Variants in VRK1 observed in about 807,000 individuals in gnomAD.
VRK1 encodes serine/threonine-protein kinase VRK1.
In VRK1, 33 loss-of-function variants were observed where a neutral mutation model predicts 57.1. The ratio of observed to expected loss-of-function variants is 0.58; its 90% CI spans 0.44 to 0.77. The LOEUF (loss-of-function observed/expected upper bound fraction) is 0.77. Among genes scored for constraint, VRK1 ranks in the 30% least tolerant of loss-of-function variants. The pLI, the probability that VRK1 is intolerant of heterozygous loss-of-function variation, is 0.00. For synonymous variants in VRK1, 137 were observed against 147.8 expected (o/e 0.93, Z 0.53); for missense variants, 413 against 477.3 (o/e 0.87, Z 1.25).
intron 1 of VRK1, among the ~76,000 whole-genome samples, chr14:96,822,380 G>A (rs1003631037): frequency 6.6e-6 from 1 of 151,492 alleles, no homozygotes; most frequent in East Asian, 1.9e-4. Flanking sequence ...GCATGGTAAA[G>A]TTTTTGTATT....
At chr14:96,861,613 C>T (rs1240595319) in intron 11 of VRK1, among the ~76,000 whole-genome samples, 1 of 152,062 alleles carries the variant, frequency 6.6e-6, no homozygotes, top group Non-Finnish European at 1.5e-5. Flanking sequence ...AAATCAGACG[C>T]AGCACATTGA....
At chr14:96,799,153 GT>G (rs776463100) in intron 1 of VRK1, among the ~76,000 whole-genome samples, 3 of 152,218 alleles carry the variant, frequency 2.0e-5, no homozygotes, top group Non-Finnish European at 4.4e-5. Context: ...GGAGTAATGT[GT>G]TAAGCATAGA....
At chr14:96,861,831 T>A (rs1888401352) in intron 11 of VRK1, among the ~76,000 whole-genome samples, 1 of 133,510 alleles carries the variant, frequency 7.5e-6, no homozygotes. Context: ...CTGAAAACTG[T>A]ATCTGTTTGA....
chr14:96,797,978 C>G (rs1165716284), intron 1 of VRK1, among the ~76,000 whole-genome samples: 4 of 152,142 alleles, frequency 2.6e-5, no homozygotes, highest in African/African-American at 9.7e-5. Context: ...GTTAGGTGAT[C>G]CGGGAGGGCA....
intron 1 of VRK1, among the ~76,000 whole-genome samples, chr14:96,808,014 C>CCTCTCTCCCTCTCT (rs1566683580): frequency 4.1e-5 from 3 of 73,954 alleles, no homozygotes; most frequent in African/African-American, 1.8e-4. Context: ...TCTCTCTCTC[C>CCTCTCTCCCTCTCT]CTCTGTGTGT....
At chr14:96,800,330 C>CA (rs1885609585) in intron 1 of VRK1, among the ~76,000 whole-genome samples, 1 of 152,128 alleles carries the variant, frequency 6.6e-6, no homozygotes, top group African/African-American at 2.4e-5. Context: ...TACTCCTGCT[C>CA]CATCTCTCCC....
chr14:96,856,556 G>C lies in VRK1; in HGVS notation c.859G>C (p.Asp287His). Residue 287 changes from aspartate (D) to histidine (H), a missense_variant, in exon 10 of 13, where the codon GAC (aspartate) becomes CAC (histidine). Coordinates refer to ENST00000216639, the MANE Select transcript of VRK1 (RefSeq NM_003384.3). ...CAGAGAAAATATTGCAAGTTTGATG[G>C]ACAAATGTTTTCCTGAGAAAAACAA... ...RYRENIASLM[D>H]KCFPEKNKPG... 1 of 1,613,738 alleles carries C rather than the reference G, an allele frequency of 6.2e-7. No individual in the cohort carries two copies. Among genetic ancestry groups the C allele is most frequent in the Non-Finnish European group, 8.5e-7 (1 of 1,179,752 alleles).
chr14:96,814,144 C>T (rs981612363), intron 1 of VRK1, among the ~76,000 whole-genome samples: 7 of 152,004 alleles, frequency 4.6e-5, no homozygotes, highest in Non-Finnish European at 1.0e-4. Context: ...ATTAATTGAG[C>T]AAAAATAAGT....
intron 3 of VRK1, among the ~76,000 whole-genome samples, chr14:96,842,728 G>T (rs1566702147): frequency 1.3e-5 from 2 of 152,222 alleles, no homozygotes; most frequent in East Asian, 3.9e-4. Flanking sequence ...CTGGGTGTAG[G>T]GCCTGGTTAT....
chr14:96,802,682 GAC>G (rs1236124055), intron 1 of VRK1, among the ~76,000 whole-genome samples: 3 of 152,228 alleles, frequency 2.0e-5, no homozygotes, highest in Admixed American at 1.3e-4. Context: ...CCTAGAATTA[GAC>G]ACACAAAAGA....
intron 10 of VRK1, 22 bp downstream of exon 10, chr14:96,856,608 G>T (rs1329604907): frequency 1.2e-6 from 2 of 1,602,886 alleles, no homozygotes; most frequent in Non-Finnish European, 1.7e-6. Context: ...CTTCTTCAGT[G>T]TTAATAGGGA....
At chr14:96,861,556 G>A (rs1025299300) in intron 11 of VRK1, among the ~76,000 whole-genome samples, 3 of 151,832 alleles carry the variant, frequency 2.0e-5, no homozygotes, top group Admixed American at 6.6e-5. Flanking sequence ...TGGAAATCTC[G>A]TATTCCAAAC....
chr14:96,865,588 A>T (rs1225043795), intron 11 of VRK1, among the ~76,000 whole-genome samples: 3 of 152,152 alleles, frequency 2.0e-5, no homozygotes, highest in African/African-American at 7.2e-5. Context: ...AGTTGACTTT[A>T]CTCTATAGAG....
intron 2 of VRK1, among the ~76,000 whole-genome samples, chr14:96,836,519 T>A (rs1319035885): frequency 3.5e-5 from 1 of 28,790 alleles, no homozygotes; most frequent in Non-Finnish European, 9.4e-5. Context: ...CATCAGGGTC[T>A]TTTTTTTTTT....
At chr14:96,845,984 C>G (rs1246194095) in intron 3 of VRK1, 111 bp from the exon 4 acceptor site, 15 of 1,006,126 alleles carry the variant, frequency 1.5e-5, no homozygotes, top group South Asian at 2.7e-5. Context: ...ACTTAAGTAT[C>G]AAAATTACAT....
chr14:96,807,978 T>TCTCTTTCC (rs1885952921), intron 1 of VRK1, among the ~76,000 whole-genome samples: 1 of 77,866 alleles, frequency 1.3e-5, no homozygotes, highest in Non-Finnish European at 2.8e-5. Context: ...TCTCTCTCTG[T>TCTCTTTCC]CTCTCTCCCT....
intron 1 of VRK1, among the ~76,000 whole-genome samples, chr14:96,816,842 G>A (rs916424475): frequency 2.1e-4 from 32 of 152,164 alleles, no homozygotes; most frequent in African/African-American, 7.5e-4. Flanking sequence ...GCATTGACTA[G>A]TATTTGGGTC....
At chr14:96,814,490 T>TA (rs1394648618) in intron 1 of VRK1, among the ~76,000 whole-genome samples, 1 of 152,144 alleles carries the variant, frequency 6.6e-6, no homozygotes, top group Non-Finnish European at 1.5e-5. Flanking sequence ...GAAGAATTCT[T>TA]AAAAAATACC....
intron 2 of VRK1, 117 bp downstream of exon 2, chr14:96,833,748 T>C: frequency 6.8e-7 from 1 of 1,472,588 alleles, no homozygotes; most frequent in South Asian, 1.2e-5. Context: ...GTCAACTTAA[T>C]AGTTTCTGAT....
Sources: gnomAD v4.1 joint callset for allele counts (sites outside exome capture counted in the v4.1 genomes callset) on GRCh38, gnomAD v4.1.1 for gene constraint, MANE v1.5 for transcripts, NCBI Gene and HGNC (gene_info 2026-07-23, HGNC 2026-07-21) for gene names.